Variants in AAGAB observed in about 807,000 individuals in gnomAD.
AAGAB encodes alpha- and gamma-adaptin-binding protein p34.
In AAGAB, 38 loss-of-function variants were observed where a neutral mutation model predicts 44.1. The observed-to-expected ratio is 0.86, with a 90% CI of 0.67 to 1.13. The LOEUF is 1.13. Among genes scored for constraint, AAGAB ranks in the 50% most tolerant of loss-of-function variants. AAGAB has a pLI of 0.00. For missense variants in AAGAB, 450 were observed against 373.8 expected, an observed-to-expected ratio of 1.20 and a Z score of -1.68; for synonymous variants, 131 against 131.8, an observed-to-expected ratio of 0.99 and a Z score of 0.04.
chr15:67,224,536 C>T (rs909379890), intron 5 of AAGAB, among the ~76,000 whole-genome samples: 1 of 151,772 alleles, frequency 6.6e-6, no homozygotes, highest in Non-Finnish European at 1.5e-5. Flanking sequence ...AAACATAGTC[C>T]TTCCTGTCTT....
rs1341930584 is a variant in AAGAB, at chr15:67,214,795, C to A, written c.536-5251G>T. On this transcript the variant is annotated intron_variant, in intron 5 of 9. Transcript: ENST00000261880. ...AGCTGGGACTCCAGGCGTCCGCCAC[C>A]GCGCCTGGCTAATTTTGTGTATTTT... 2.0e-5 allele frequency among the ~76,000 whole-genome samples: 3 copies of A among 152,046 alleles called. No homozygotes were observed. The South Asian group carries it at 6.2e-4, about 32-fold the overall frequency.
At chr15:67,227,483 T>G (rs987943358) in intron 5 of AAGAB, among the ~76,000 whole-genome samples, 1 of 152,106 alleles carries the variant, frequency 6.6e-6, no homozygotes, top group Admixed American at 6.5e-5. Context: ...TTTAACCACA[T>G]CTTATGTATA....
intron 1 of AAGAB, among the ~76,000 whole-genome samples, chr15:67,241,163 T>G (rs530681084): frequency 6.6e-6 from 1 of 152,212 alleles, no homozygotes; most frequent in South Asian, 2.1e-4. Flanking sequence ...CATTCTAAAC[T>G]AGGCATGTTG....
intron 5 of AAGAB, among the ~76,000 whole-genome samples, chr15:67,210,605 C>G (rs1373682722): frequency 2.6e-5 from 4 of 152,018 alleles, no homozygotes; most frequent in Non-Finnish European, 4.4e-5. Context: ...TTTGTATTTA[C>G]AACGGAGGAC....
At chr15:67,253,234 G>T (rs1441755351) in intron 1 of AAGAB, among the ~76,000 whole-genome samples, 2 of 146,272 alleles carry the variant, frequency 1.4e-5, no homozygotes, top group Non-Finnish European at 3.0e-5. Flanking sequence ...AGACCAGCCT[G>T]GGCAACATGG....
At chr15:67,243,978 T>C (rs2140391910) in intron 1 of AAGAB, among the ~76,000 whole-genome samples, 1 of 152,204 alleles carries the variant, frequency 6.6e-6, no homozygotes, top group Non-Finnish European at 1.5e-5. Context: ...AACAGGACAA[T>C]TACGAGATAA....
chr15:67,205,362 T>C (rs1040427100), intron 7 of AAGAB, among the ~76,000 whole-genome samples: 6 of 152,224 alleles, frequency 3.9e-5, no homozygotes, highest in Admixed American at 6.5e-5. Context: ...ATGTAGGAAG[T>C]TGGTATATAG....
At chr15:67,233,579 C>CT (rs1290062639) in intron 4 of AAGAB, among the ~76,000 whole-genome samples, 5 of 152,168 alleles carry the variant, frequency 3.3e-5, no homozygotes, top group Admixed American at 3.3e-4. Context: ...CAGCCTAGCC[C>CT]TGGGTGGTTT....
intron 5 of AAGAB, chr15:67,220,920 T>C (rs1964051379): frequency 6.6e-6 from 1 of 152,210 alleles, no homozygotes; most frequent in African/African-American, 2.4e-5. Flanking sequence ...GCCTGCTCTG[T>C]TCAGTAAGGC....
intron 5 of AAGAB, among the ~76,000 whole-genome samples, chr15:67,217,117 C>T (rs919670039): frequency 6.6e-6 from 1 of 152,170 alleles, no homozygotes; most frequent in Non-Finnish European, 1.5e-5. Context: ...TTGACCACAA[C>T]ATTCACATTT....
At chr15:67,229,276 T>C (rs1964277998) in intron 5 of AAGAB, among the ~76,000 whole-genome samples, 1 of 151,764 alleles carries the variant, frequency 6.6e-6, no homozygotes, top group African/African-American at 2.4e-5. Flanking sequence ...CTACTAAAAA[T>C]ACAAAAATTA....
rs192374866 is a variant in AAGAB, at chr15:67,239,115, C to T, written c.74-2295G>A. Among the ~76,000 whole-genome samples, 9 of 152,222 alleles carry T rather than the reference C, an allele frequency of 5.9e-5. No individual in the cohort carries two copies. In the East Asian group the frequency reaches 1.7e-3, roughly 29 times the overall value. ...GGGGCAAAGTACAAAGGCAGGGGGA[C>T]TAATATTCCTGTCATTGCTATAATC... is the stretch of plus-strand genomic sequence containing the variant. On this transcript the variant is annotated intron_variant, in intron 1 of 9. Coordinates refer to ENST00000261880, the MANE Select transcript of AAGAB (RefSeq NM_024666.5).
chr15:67,223,569 A>G (rs1964131334), intron 5 of AAGAB, among the ~76,000 whole-genome samples: 1 of 152,084 alleles, frequency 6.6e-6, no homozygotes, highest in Admixed American at 6.6e-5. Context: ...CCCAGCCCCA[A>G]TCTGAGCCAT....
intron 1 of AAGAB, chr15:67,242,911 T>C (rs565680526): frequency 1.3e-5 from 2 of 152,258 alleles, no homozygotes; most frequent in South Asian, 2.1e-4. Context: ...AGTACAGAGA[T>C]TCTGGGTTGC....
chr15:67,211,553 T>G (rs1311620487), intron 5 of AAGAB, among the ~76,000 whole-genome samples: 1 of 152,262 alleles, frequency 6.6e-6, no homozygotes, highest in East Asian at 1.9e-4. Flanking sequence ...TATGTAGTTA[T>G]GTAATACTCA....
At chr15:67,216,908 C>A (rs1156948985) in intron 5 of AAGAB, among the ~76,000 whole-genome samples, 1 of 152,130 alleles carries the variant, frequency 6.6e-6, no homozygotes, top group Non-Finnish European at 1.5e-5. Flanking sequence ...AGAGATTTCC[C>A]ATGATTCATT....
At chr15:67,222,242 G>GCGCGCGTGCACACA (rs1367738219) in intron 5 of AAGAB, among the ~76,000 whole-genome samples, 2 of 90,128 alleles carry the variant, frequency 2.2e-5, no homozygotes, top group East Asian at 1.2e-3. Flanking sequence ...GCGCGCGCGC[G>GCGCGCGTGCACACA]CACACACACA....
intron 1 of AAGAB, chr15:67,242,737 C>T (rs1489398416): frequency 1.3e-5 from 2 of 152,080 alleles, no homozygotes; most frequent in Non-Finnish European, 2.9e-5. Flanking sequence ...GTAATCATAC[C>T]CCAGTCTTCT....
intron 4 of AAGAB, 106 bp downstream of exon 4, chr15:67,235,873 G>C (rs1964448457): frequency 2.4e-6 from 2 of 848,248 alleles, no homozygotes; most frequent in East Asian, 5.2e-5. Context: ...CCTTGAAACA[G>C]CTGGGGAAAA....
Sources: allele counts gnomAD v4.1 joint callset (sites outside exome capture counted in the v4.1 genomes callset), GRCh38; gene constraint gnomAD v4.1.1; transcripts MANE v1.5; gene names NCBI Gene and HGNC (gene_info 2026-07-23, HGNC 2026-07-21).